Variants in CERS6 observed in about 807,000 individuals in gnomAD.
CERS6 encodes the protein LAG1 homolog, ceramide synthase 6.
A neutral mutation model predicts 56.8 loss-of-function variants in CERS6; 26 were observed. The ratio of observed to expected loss-of-function variants is 0.46; its 90% CI spans 0.34 to 0.63. The LOEUF is 0.63. Ranked by LOEUF, CERS6 falls within the 30% of genes least tolerant of loss-of-function variation. The probability of loss-of-function intolerance (pLI) is 0.01; values close to 1 mark genes in which losing one functional copy is unlikely to be tolerated. For synonymous variants in CERS6, 164 were observed against 173.3 expected, an observed-to-expected ratio of 0.95 and a Z score of 0.42; for missense variants, 415 against 467.5, an observed-to-expected ratio of 0.89 and a Z score of 1.04.
At chr2:168,693,819 C>A (rs1048065080) in intron 5 of CERS6, among the ~76,000 whole-genome samples, 9 of 152,160 alleles carry the variant, frequency 5.9e-5, no homozygotes, top group African/African-American at 2.2e-4. Flanking sequence ...GTTAGGGGGA[C>A]ACAAACTTTC....
At chr2:168,606,897 C>T (rs928437066) in intron 3 of CERS6, among the ~76,000 whole-genome samples, 8 of 152,166 alleles carry the variant, frequency 5.3e-5, no homozygotes, top group Non-Finnish European at 1.0e-4. Context: ...CTCTCTTGCT[C>T]CTGCTCTGGC....
chr2:168,569,997 A>G (rs1007549868), intron 3 of CERS6, among the ~76,000 whole-genome samples: 1 of 152,126 alleles, frequency 6.6e-6, no homozygotes, highest in African/African-American at 2.4e-5. Context: ...GGGTATCAGG[A>G]GCAGCAGCAA....
Position 168,769,806 on chromosome 2 carries a change from C to T in CERS6, c.*144C>T. On this transcript the variant is annotated 3_prime_UTR_variant, in exon 10 of 10. Transcript: ENST00000305747. ...CAAAGCATTTTGAATAGTGCACTGC[C>T]ATGTGTCCTGTCTGTGAATGAAGAA... The T allele has an allele frequency of 1.4e-6, 1 of 732,592 alleles. No homozygotes were observed. The highest frequency in any genetic ancestry group is 2.2e-6 in the Non-Finnish European group (1 of 444,788). The allele number at this position is 732,592 out of a possible 1,614,324, so 45.4% of individuals were successfully genotyped here.
At chr2:168,555,704 A>G (rs1695662603) in intron 2 of CERS6, among the ~76,000 whole-genome samples, 1 of 146,676 alleles carries the variant, frequency 6.8e-6, no homozygotes, top group Non-Finnish European at 1.5e-5. Flanking sequence ...AATTTATTCT[A>G]GGAAAGTATA....
intron 1 of CERS6, among the ~76,000 whole-genome samples, chr2:168,472,820 G>A (rs898311239): frequency 6.6e-6 from 1 of 152,114 alleles, no homozygotes; most frequent in African/African-American, 2.4e-5. Flanking sequence ...ACTGGATCTT[G>A]TTCCTTGAAT....
intron 4 of CERS6, among the ~76,000 whole-genome samples, chr2:168,656,707 G>A (rs1280931794): frequency 6.6e-6 from 1 of 152,152 alleles, no homozygotes; most frequent in Non-Finnish European, 1.5e-5. Context: ...TGCAAAGAGC[G>A]AAAGAACAAA....
intron 8 of CERS6, among the ~76,000 whole-genome samples, chr2:168,726,527 A>G (rs1326420564): frequency 1.3e-5 from 2 of 152,196 alleles, no homozygotes; most frequent in East Asian, 3.9e-4. Context: ...AGATGCTGAA[A>G]GAGAAGTGGC....
chr2:168,679,799 C>T (rs2105349106), intron 4 of CERS6, among the ~76,000 whole-genome samples: 1 of 152,308 alleles, frequency 6.6e-6, no homozygotes, highest in Non-Finnish European at 1.5e-5. Flanking sequence ...TTGTGCCTGA[C>T]ATCAAGAAAA....
intron 4 of CERS6, among the ~76,000 whole-genome samples, chr2:168,656,704 A>G (rs1414457987): frequency 4.6e-5 from 7 of 152,068 alleles, no homozygotes; most frequent in African/African-American, 1.7e-4. Flanking sequence ...TATTGCAAAG[A>G]GCGAAAGAAC....
chr2:168,620,428 A>G (rs992539009), intron 3 of CERS6, among the ~76,000 whole-genome samples: 1 of 152,170 alleles, frequency 6.6e-6, no homozygotes, highest in Non-Finnish European at 1.5e-5. Context: ...TGAAAACAAA[A>G]AAAGTTTTTT....
At chr2:168,514,261 A>G (rs1269935102) in intron 1 of CERS6, among the ~76,000 whole-genome samples, 2 of 152,196 alleles carry the variant, frequency 1.3e-5, no homozygotes, top group Non-Finnish European at 2.9e-5. Context: ...TCATCTGAGT[A>G]CTGCTGGAAA....
At chr2:168,584,742 G>A (rs1683500878) in intron 3 of CERS6, among the ~76,000 whole-genome samples, 1 of 152,158 alleles carries the variant, frequency 6.6e-6, no homozygotes, top group Non-Finnish European at 1.5e-5. Context: ...ACTTGATATG[G>A]AGAATTTGGG....
chr2:168,501,048 C>G (rs1694571261), intron 1 of CERS6, among the ~76,000 whole-genome samples: 1 of 152,202 alleles, frequency 6.6e-6, no homozygotes, highest in Non-Finnish European at 1.5e-5. Context: ...ATTCCTAAAC[C>G]TGAAACACCA....
At chr2:168,674,126 G>A (rs572554108) in intron 4 of CERS6, among the ~76,000 whole-genome samples, 7 of 152,308 alleles carry the variant, frequency 4.6e-5, no homozygotes, top group East Asian at 3.9e-4. Flanking sequence ...CAAATTTCAT[G>A]TGCAAGAAAA....
intron 8 of CERS6, among the ~76,000 whole-genome samples, chr2:168,723,174 T>C (rs1458622213): frequency 6.6e-6 from 1 of 152,190 alleles, no homozygotes; most frequent in Non-Finnish European, 1.5e-5. Context: ...AAGTAGAATA[T>C]GATGGGGGAA....
intron 3 of CERS6, among the ~76,000 whole-genome samples, chr2:168,576,744 A>ATACATACC (rs1178437671): frequency 1.3e-5 from 2 of 152,142 alleles, no homozygotes; most frequent in East Asian, 3.9e-4. Flanking sequence ...CTATACACAC[A>ATACATACC]TACATACATA....
intron 4 of CERS6, among the ~76,000 whole-genome samples, chr2:168,671,405 A>G (rs1685914382): frequency 1.3e-5 from 2 of 152,200 alleles, no homozygotes; most frequent in African/African-American, 2.4e-5. Flanking sequence ...AATCCATGGT[A>G]TAGCTAGTTA....
At chr2:168,492,911 A>C (rs1334472089) in intron 1 of CERS6, among the ~76,000 whole-genome samples, 1 of 152,146 alleles carries the variant, frequency 6.6e-6, no homozygotes, top group Non-Finnish European at 1.5e-5. Context: ...TAATTTTTAA[A>C]TTATGTATAG....
At chr2:168,714,199 C>A (rs1384446820) in intron 6 of CERS6, among the ~76,000 whole-genome samples, 1 of 152,122 alleles carries the variant, frequency 6.6e-6, no homozygotes, top group African/African-American at 2.4e-5. Flanking sequence ...GGCCTCATGC[C>A]CTAATTACCT....
Sources: gnomAD v4.1 joint callset for allele counts (sites outside exome capture counted in the v4.1 genomes callset) on GRCh38, gnomAD v4.1.1 for gene constraint, MANE v1.5 for transcripts, NCBI Gene and HGNC (gene_info 2026-07-23, HGNC 2026-07-21) for gene names.